The following PTPRR variants were observed in gnomAD, a reference collection of about 807,000 sequenced individuals.
PTPRR encodes the protein receptor-type tyrosine-protein phosphatase R.
PTPRR carries 38 observed loss-of-function variants against 77.2 expected under a neutral mutation model. The observed-to-expected ratio is 0.49, with a 90% CI of 0.38 to 0.65. The LOEUF is 0.65. Ranked by LOEUF, PTPRR falls within the 30% of genes least tolerant of loss-of-function variation. The pLI is 0.00. For missense variants in PTPRR, 744 were observed against 799.2 expected, an observed-to-expected ratio of 0.93 and a Z score of 0.83; for synonymous variants, 299 against 283.1, an observed-to-expected ratio of 1.06 and a Z score of -0.57.
intron 7 of PTPRR, among the ~76,000 whole-genome samples, chr12:70,700,189 G>C (rs537724471): frequency 3.9e-5 from 6 of 152,274 alleles, no homozygotes; most frequent in Non-Finnish European, 7.4e-5. Flanking sequence ...CCAACCCATT[G>C]CTGAATCTGT....
chr12:70,718,834 A>G (rs34127480), intron 6 of PTPRR, among the ~76,000 whole-genome samples: 9,983 of 152,322 alleles, frequency 0.066, 464 homozygotes, highest in South Asian at 0.12. Flanking sequence ...AAACATATTT[A>G]TACCATTTTG....
chr12:70,746,001 G>T lies in PTPRR; in HGVS notation c.824C>A (p.Thr275Lys). 1.9e-6 allele frequency: 3 copies of T among 1,614,054 alleles called. No homozygotes were observed. The highest frequency in any genetic ancestry group is 1.7e-6 in the Non-Finnish European group (2 of 1,179,956). ...KNQEIHLSPI[T>K]LQPALSEAKT... ...TGCCTCGGACAGTGCTGGCTGTAATGTGATGGGCGATAGGTGGATCTCCTG... is the reference window on the plus strand; with the variant it reads ...TGCCTCGGACAGTGCTGGCTGTAATTTGATGGGCGATAGGTGGATCTCCTG... Residue 275 changes from threonine to lysine, a missense_variant, in exon 6 of 14, where the codon ACA becomes AAA. Transcript: ENST00000283228.
chr12:70,769,372 A>T (rs1280031792), intron 2 of PTPRR, among the ~76,000 whole-genome samples: 1 of 151,966 alleles, frequency 6.6e-6, no homozygotes, highest in African/African-American at 2.4e-5. Flanking sequence ...AATAACAGAC[A>T]AACAGAGAGC....
intron 1 of PTPRR, among the ~76,000 whole-genome samples, chr12:70,909,875 G>T (rs1893675817): frequency 6.6e-6 from 1 of 151,888 alleles, no homozygotes; most frequent in South Asian, 2.1e-4. Flanking sequence ...GTGGTTAGAG[G>T]TTTTTTTTCT....
At chr12:70,795,978 C>T (rs2137014649) in intron 2 of PTPRR, among the ~76,000 whole-genome samples, 1 of 116,772 alleles carries the variant, frequency 8.6e-6, no homozygotes, top group East Asian at 3.1e-4. Context: ...GGCTGGAGTG[C>T]AGTGGTGCGA....
intron 6 of PTPRR, among the ~76,000 whole-genome samples, chr12:70,714,659 C>G (rs1270276900): frequency 6.6e-6 from 1 of 152,146 alleles, no homozygotes; most frequent in African/African-American, 2.4e-5. Context: ...TTTGTTTATT[C>G]ATGCAAATGT....
At chr12:70,642,852 A>G (rs1273733681) in intron 13 of PTPRR, among the ~76,000 whole-genome samples, 1 of 152,204 alleles carries the variant, frequency 6.6e-6, no homozygotes, top group Non-Finnish European at 1.5e-5. Context: ...ATATATTGAT[A>G]TATAGAATAG....
At chr12:70,817,246 GC>G (rs1350238937) in intron 2 of PTPRR, among the ~76,000 whole-genome samples, 2 of 152,124 alleles carry the variant, frequency 1.3e-5, no homozygotes, top group African/African-American at 4.8e-5. Context: ...TACTTAAAGA[GC>G]TTAAAATATA....
chr12:70,752,478 A>G, intron 5 of PTPRR, among the ~76,000 whole-genome samples: 1 of 152,148 alleles, frequency 6.6e-6, no homozygotes, highest in East Asian at 1.9e-4. Context: ...CAACATAGGC[A>G]TTTATCTAGT....
chr12:70,668,051 C>T (rs1245572151), intron 10 of PTPRR, among the ~76,000 whole-genome samples: 13 of 152,026 alleles, frequency 8.6e-5, no homozygotes, highest in Non-Finnish European at 7.4e-5. Flanking sequence ...TCTTGTCTAT[C>T]TCCTCTTCCA....
At chr12:70,715,920 T>G (rs1054202421) in intron 6 of PTPRR, among the ~76,000 whole-genome samples, 1 of 152,188 alleles carries the variant, frequency 6.6e-6, no homozygotes, top group African/African-American at 2.4e-5. Flanking sequence ...AAGACAGGCA[T>G]AGGAAATCAC....
intron 6 of PTPRR, among the ~76,000 whole-genome samples, chr12:70,721,448 C>T (rs556968360): frequency 1.2e-4 from 19 of 152,288 alleles, no homozygotes; most frequent in Non-Finnish European, 1.9e-4. Flanking sequence ...AGCAGGCACA[C>T]GGTGGATAGC....
intron 2 of PTPRR, among the ~76,000 whole-genome samples, chr12:70,782,320 C>T (rs1254334064): frequency 6.6e-6 from 1 of 151,974 alleles, no homozygotes; most frequent in African/African-American, 2.4e-5. Flanking sequence ...ACCATTTGAC[C>T]CAGCCATCCC....
intron 2 of PTPRR, among the ~76,000 whole-genome samples, chr12:70,865,101 T>C (rs1003435480): frequency 2.6e-5 from 4 of 152,068 alleles, no homozygotes; most frequent in Admixed American, 1.3e-4. Flanking sequence ...GCATGAGCCA[T>C]TGTGCCCGAC....
chr12:70,908,729 T>C (rs952764780), intron 1 of PTPRR, among the ~76,000 whole-genome samples: 3 of 152,148 alleles, frequency 2.0e-5, no homozygotes, highest in African/African-American at 7.2e-5. Context: ...TGGTCTCCCT[T>C]GCCTGTGTTT....
At chr12:70,855,335 G>T (rs572120533) in intron 2 of PTPRR, among the ~76,000 whole-genome samples, 1 of 152,174 alleles carries the variant, frequency 6.6e-6, no homozygotes, top group Admixed American at 6.5e-5. Context: ...GAAAGGATTT[G>T]CTGGTGTCAA....
At chr12:70,666,746 A>G (rs1887009335) in intron 10 of PTPRR, among the ~76,000 whole-genome samples, 2 of 152,010 alleles carry the variant, frequency 1.3e-5, no homozygotes, top group South Asian at 4.1e-4. Context: ...GAAAATTTTG[A>G]TAATATATAA....
chr12:70,867,581 G>A (rs1892877434), intron 2 of PTPRR, among the ~76,000 whole-genome samples: 1 of 151,538 alleles, frequency 6.6e-6, no homozygotes, highest in East Asian at 1.9e-4. Flanking sequence ...TGGGTAGGAA[G>A]AATCAATATC....
At chr12:70,643,713 A>C (rs539901209) in intron 13 of PTPRR, among the ~76,000 whole-genome samples, 1 of 152,256 alleles carries the variant, frequency 6.6e-6, no homozygotes, top group South Asian at 2.1e-4. Context: ...TTACTGATAT[A>C]AAGTTCCCAA....
Sources: gnomAD v4.1 joint callset for allele counts (sites outside exome capture counted in the v4.1 genomes callset) on GRCh38, gnomAD v4.1.1 for gene constraint, MANE v1.5 for transcripts, NCBI Gene and HGNC (gene_info 2026-07-23, HGNC 2026-07-21) for gene names.